The following ADAM23 variants were observed in gnomAD, a reference collection of about 807,000 sequenced individuals.
ADAM23 encodes the protein ADAM metallopeptidase domain 23, also known as disintegrin and metalloproteinase domain-containing protein 23.
A neutral mutation model predicts 120.1 loss-of-function variants in ADAM23; 33 were observed. The ratio of observed to expected loss-of-function variants is 0.27; its 90% confidence interval spans 0.21 to 0.37. The LOEUF is 0.37. ADAM23 is among the 10% of genes least tolerant of loss of function. The pLI is 1.00. For synonymous variants in ADAM23, 367 were observed against 375.2 expected, an observed-to-expected ratio of 0.98 and a Z score of 0.25; for missense variants, 862 against 1,058.2, an observed-to-expected ratio of 0.81 and a Z score of 2.57.
At chr2:206,532,705 ATATAT>A (rs1301081761) in intron 4 of ADAM23, among the ~76,000 whole-genome samples, 1 of 152,158 alleles carries the variant, frequency 6.6e-6, no homozygotes, top group Non-Finnish European at 1.5e-5. Flanking sequence ...ATATTTTAGC[ATATAT>A]TAAGTAATCT....
chr2:206,550,712 C>T (rs1012751136), intron 9 of ADAM23, among the ~76,000 whole-genome samples: 1 of 151,858 alleles, frequency 6.6e-6, no homozygotes, highest in Non-Finnish European at 1.5e-5. Flanking sequence ...CGCTATTCTC[C>T]TGCCTCAGCC....
At position 206,543,325 on chromosome 2, in the gene ADAM23, A is replaced by C. The variant is rs376726273; in HGVS notation, c.720+9A>C. ...AGCTGGTTCATGATGAGGTGAGTCT[A>C]TGCCATCAGTTGCCTGATGGCGTTC... On this transcript the variant is annotated intron_variant, in intron 6 of 25. Coordinates refer to ENST00000264377, the MANE Select transcript of ADAM23 (RefSeq NM_003812.4). The C allele has an allele frequency of 4.3e-6, 7 of 1,612,318 alleles. No individual in the cohort carries two copies. The highest frequency in any genetic ancestry group is 5.1e-6 in the Non-Finnish European group (6 of 1,178,574).
At chr2:206,585,293 T>A (rs1698300995) in intron 18 of ADAM23, among the ~76,000 whole-genome samples, 1 of 152,196 alleles carries the variant, frequency 6.6e-6, no homozygotes, top group Non-Finnish European at 1.5e-5. Flanking sequence ...TGATAGTTGA[T>A]TAATGAGATA....
At chr2:206,472,683 C>G (rs1273776977) in intron 2 of ADAM23, among the ~76,000 whole-genome samples, 1 of 151,824 alleles carries the variant, frequency 6.6e-6, no homozygotes, top group Middle Eastern at 3.2e-3. Context: ...TTTGGAATCT[C>G]TTTAAAATTG....
intron 3 of ADAM23, among the ~76,000 whole-genome samples, chr2:206,514,970 A>G (rs978538206): frequency 1.3e-5 from 2 of 152,234 alleles, no homozygotes; most frequent in Non-Finnish European, 2.9e-5. Flanking sequence ...TTTTATGTAC[A>G]CTGGGGAACC....
intron 25 of ADAM23, among the ~76,000 whole-genome samples, chr2:206,613,246 A>T (rs1698870140): frequency 6.6e-6 from 1 of 151,988 alleles, no homozygotes; most frequent in Non-Finnish European, 1.5e-5. Flanking sequence ...TTTAGCAGAG[A>T]TGGGGTTTCT....
intron 3 of ADAM23, among the ~76,000 whole-genome samples, chr2:206,499,498 T>TAGGGGGA (rs1393474052): frequency 9.0e-5 from 5 of 55,864 alleles, no homozygotes; most frequent in Admixed American, 4.3e-4. Flanking sequence ...TGTTGTGGGG[T>TAGGGGGA]GGGGGGAGGG....
At chr2:206,579,192 C>T (rs981231697) in intron 18 of ADAM23, among the ~76,000 whole-genome samples, 1 of 152,106 alleles carries the variant, frequency 6.6e-6, no homozygotes, top group Non-Finnish European at 1.5e-5. Flanking sequence ...TGTCTCTTTA[C>T]TCTGCTGACT....
At chr2:206,530,797 GC>G (rs1697043333) in intron 3 of ADAM23, 87 bp from the exon 4 acceptor site, 1 of 985,710 alleles carries the variant, frequency 1.0e-6, no homozygotes, top group Non-Finnish European at 1.5e-6. Flanking sequence ...TGGTTTGCAT[GC>G]CCCTCACGTT....
Position 206,533,271 on chromosome 2 carries a change from G to A in ADAM23, c.573+2323G>A, listed in dbSNP as rs190705117. Among the ~76,000 whole-genome samples, 1,156 of 151,894 alleles carry A rather than the reference G, an allele frequency of 7.6e-3. 6 individuals are homozygous for A. Among genetic ancestry groups the A allele is most frequent in the Non-Finnish European group, 0.014 (944 of 67,962 alleles). On this transcript the variant is annotated intron_variant, in intron 4 of 25. Coordinates refer to ENST00000264377, the MANE Select transcript of ADAM23 (RefSeq NM_003812.4). ...GGCTAGAGTGCAGTGGTGCAATCTC[G>A]GCTCACTGCAACCTCCACCTTCTGG...
At chr2:206,464,137 A>G (rs1469592308) in intron 2 of ADAM23, among the ~76,000 whole-genome samples, 1 of 152,226 alleles carries the variant, frequency 6.6e-6, no homozygotes, top group Non-Finnish European at 1.5e-5. Flanking sequence ...GTATGGCTAT[A>G]TATTTTTAAA....
At chr2:206,484,669 C>G (rs748873205) in intron 3 of ADAM23, among the ~76,000 whole-genome samples, 39 of 152,086 alleles carry the variant, frequency 2.6e-4, no homozygotes, top group Non-Finnish European at 5.0e-4. Context: ...ATGGAGGTCT[C>G]TGAAGGGAAA....
At chr2:206,565,095 A>G in intron 14 of ADAM23, 27 bp downstream of exon 14, 2 of 1,612,414 alleles carry the variant, frequency 1.2e-6, no homozygotes, top group Non-Finnish European at 1.7e-6. Context: ...CGTGCATTTG[A>G]TATATGCCTT....
intron 12 of ADAM23, 129 bp downstream of exon 12, chr2:206,561,341 T>C (rs1697761607): frequency 2.6e-6 from 2 of 778,056 alleles, no homozygotes; most frequent in Admixed American, 2.3e-5. Context: ...GCTTATGTTA[T>C]TAATAAATAG....
chr2:206,570,387 G>C (rs947043271), intron 15 of ADAM23, among the ~76,000 whole-genome samples: 2 of 152,050 alleles, frequency 1.3e-5, no homozygotes, highest in African/African-American at 4.8e-5. Flanking sequence ...TTAGATATCT[G>C]TGAGTCTTAT....
At chr2:206,446,490 A>G (rs1695084507) in intron 2 of ADAM23, among the ~76,000 whole-genome samples, 1 of 152,136 alleles carries the variant, frequency 6.6e-6, no homozygotes, top group African/African-American at 2.4e-5. Context: ...AGTTTACATC[A>G]TTGTTTTTTA....
In ADAM23 at chr2:206,510,826, CT is replaced by C. The variant is rs552999733; in HGVS notation, c.510-20057del. On this transcript the variant is annotated intron_variant, in intron 3 of 25. Coordinates refer to ENST00000264377, the MANE Select transcript of ADAM23 (RefSeq NM_003812.4). ...CTTTTAGAGAGCTCGCTTTTTCAGC[CT>C]TAGATGGTCATATGATTTTTCTTTA... Among the ~76,000 whole-genome samples the C allele has an allele frequency of 7.8e-4, 119 of 152,266 alleles. 1 individual carries two copies. Among genetic ancestry groups the C allele is most frequent in the African/African-American group, 2.6e-3 (107 of 41,564 alleles).
chr2:206,574,741 A>G (rs1016717566), intron 18 of ADAM23, among the ~76,000 whole-genome samples: 28 of 152,182 alleles, frequency 1.8e-4, no homozygotes, highest in African/African-American at 6.8e-4. Flanking sequence ...CCCTGGCTTC[A>G]TGGCCTATGT....
rs1377657652 is a variant in ADAM23, at chr2:206,567,459, C to A, written c.1494+137C>A. 5.1e-6 allele frequency: 3 copies of A among 590,556 alleles called. No individual in the cohort carries two copies. The East Asian group carries it at 8.7e-5, about 17-fold the overall frequency. The allele number at this position is 590,556 out of a possible 1,614,324, so 36.6% of individuals were successfully genotyped here. On this transcript the variant is annotated intron_variant, in intron 15 of 25. Transcript: ENST00000264377. Reference sequence around the variant, plus strand: ...AGATTAATATTTAGTTATAAAAGTCCTTATCATGTTAAAGATTGAGTCCTG... The same window carrying A: ...AGATTAATATTTAGTTATAAAAGTCATTATCATGTTAAAGATTGAGTCCTG...
Sources: allele counts gnomAD v4.1 joint callset (sites outside exome capture counted in the v4.1 genomes callset), GRCh38; gene constraint gnomAD v4.1.1; transcripts MANE v1.5; gene names NCBI Gene and HGNC (gene_info 2026-07-23, HGNC 2026-07-21).